The following TBC1D5 variants were observed in gnomAD, a reference collection of about 807,000 sequenced individuals.
TBC1D5 encodes TBC1 domain family, member 5.
A neutral mutation model predicts 100.3 loss-of-function variants in TBC1D5; 75 were observed. That is an observed-to-expected ratio of 0.75 (90% CI 0.62 to 0.91). The LOEUF (loss-of-function observed/expected upper bound fraction) is 0.91, where lower values mean the gene tolerates loss of function less well. Ranked by LOEUF, TBC1D5 falls within the 40% of genes least tolerant of loss-of-function variation. The pLI is 0.00. For missense variants in TBC1D5, 910 were observed against 942.4 expected (o/e 0.97, Z 0.45); for synonymous variants, 323 against 325.6 (o/e 0.99, Z 0.09).
intron 2 of TBC1D5, among the ~76,000 whole-genome samples, chr3:17,587,005 C>A (rs2096737118): frequency 6.6e-6 from 1 of 151,632 alleles, no homozygotes; most frequent in Admixed American, 6.6e-5. Flanking sequence ...GAAAAAAATT[C>A]CATTGAAAAT....
At chr3:17,491,650 T>C (rs2095641469) in intron 3 of TBC1D5, among the ~76,000 whole-genome samples, 2 of 152,190 alleles carry the variant, frequency 1.3e-5, no homozygotes. Flanking sequence ...ATCCCGGGGA[T>C]GAGGTCGACT....
chr3:17,178,665 T>C (rs2068090315), intron 19 of TBC1D5, among the ~76,000 whole-genome samples: 1 of 152,162 alleles, frequency 6.6e-6, no homozygotes, highest in Non-Finnish European at 1.5e-5. Flanking sequence ...TTATTTTATT[T>C]TTTTAGAGAT....
At chr3:17,362,457 CA>C (rs2091807355) in intron 13 of TBC1D5, among the ~76,000 whole-genome samples, 1 of 150,982 alleles carries the variant, frequency 6.6e-6, no homozygotes, top group Non-Finnish European at 1.5e-5. Context: ...TCAAAAAGGG[CA>C]AAAGATGTAA....
At chr3:17,706,268 A>G (rs2074150959) in intron 1 of TBC1D5, 2 of 1,547,492 alleles carry the variant, frequency 1.3e-6, no homozygotes, top group South Asian at 1.2e-5. Context: ...TCACATACTC[A>G]GCTCTAAAGA....
intron 8 of TBC1D5, among the ~76,000 whole-genome samples, chr3:17,390,221 C>T (rs145473566): frequency 6.6e-6 from 1 of 152,024 alleles, no homozygotes; most frequent in East Asian, 1.9e-4. Context: ...CAACTAAACA[C>T]CAACTTTGGA....
intron 2 of TBC1D5, among the ~76,000 whole-genome samples, chr3:17,514,010 A>G (rs2095949031): frequency 6.6e-6 from 1 of 152,200 alleles, no homozygotes; most frequent in Non-Finnish European, 1.5e-5. Flanking sequence ...AGTCTTAATT[A>G]CAAGGGCAGA....
At chr3:17,705,354 C>T (rs766610670) in intron 1 of TBC1D5, among the ~76,000 whole-genome samples, 4,987 of 121,714 alleles carry the variant, frequency 0.041, 1,087 homozygotes, top group Non-Finnish European at 0.06. Context: ...CTGACCCCCC[C>T]CCACCTCCCT....
At chr3:17,401,417 A>G (rs1287887812) in intron 8 of TBC1D5, among the ~76,000 whole-genome samples, 1 of 151,492 alleles carries the variant, frequency 6.6e-6, no homozygotes, top group Non-Finnish European at 1.5e-5. Context: ...ATCTGTGTAT[A>G]TATCTTGCAT....
chr3:17,522,975 T>C (rs964080884), intron 2 of TBC1D5, among the ~76,000 whole-genome samples: 1 of 152,232 alleles, frequency 6.6e-6, no homozygotes, highest in African/African-American at 2.4e-5. Flanking sequence ...TTCAATTATA[T>C]TTATTGAACA....
At chr3:17,175,500 G>A (rs1055161057) in intron 19 of TBC1D5, among the ~76,000 whole-genome samples, 1 of 152,148 alleles carries the variant, frequency 6.6e-6, no homozygotes, top group Non-Finnish European at 1.5e-5. Context: ...AACCAAAAAA[G>A]GAGACTTTAC....
intron 4 of TBC1D5, among the ~76,000 whole-genome samples, chr3:17,425,037 T>C (rs2094304649): frequency 6.6e-6 from 1 of 152,188 alleles, no homozygotes; most frequent in African/African-American, 2.4e-5. Flanking sequence ...AGACAAAACA[T>C]TTATTTTCTT....
chr3:17,444,113 T>C (rs1347754258), intron 3 of TBC1D5, among the ~76,000 whole-genome samples: 1 of 152,142 alleles, frequency 6.6e-6, no homozygotes, highest in African/African-American at 2.4e-5. Context: ...TAAAAACTAA[T>C]TTAACCCACT....
intron 1 of TBC1D5, among the ~76,000 whole-genome samples, chr3:17,676,010 T>C (rs1180130724): frequency 6.6e-6 from 1 of 152,122 alleles, no homozygotes; most frequent in African/African-American, 2.4e-5. Flanking sequence ...CCTAATTAAA[T>C]GCATCAAGAA....
At chr3:17,522,522 T>C (rs540738718) in intron 2 of TBC1D5, among the ~76,000 whole-genome samples, 4 of 152,206 alleles carry the variant, frequency 2.6e-5, no homozygotes, top group African/African-American at 9.6e-5. Flanking sequence ...CTATGGTGAT[T>C]GTCAAAGAAT....
intron 13 of TBC1D5, among the ~76,000 whole-genome samples, chr3:17,348,618 A>G (rs980765811): frequency 1.3e-5 from 2 of 152,058 alleles, no homozygotes; most frequent in African/African-American, 4.8e-5. Context: ...TTTAGACTCA[A>G]TTTCATTCAT....
At chr3:17,706,330 T>C in intron 1 of TBC1D5, 1 of 1,364,038 alleles carries the variant, frequency 7.3e-7, no homozygotes, top group Non-Finnish European at 9.9e-7. Context: ...TGTATACCTT[T>C]GTGAAAGAGC....
chr3:17,530,056 G>A (rs555588394), intron 2 of TBC1D5, among the ~76,000 whole-genome samples: 12 of 151,802 alleles, frequency 7.9e-5, no homozygotes, highest in African/African-American at 1.9e-4. Context: ...CCAGTCTGGC[G>A]AACATAGTGA....
intron 13 of TBC1D5, among the ~76,000 whole-genome samples, chr3:17,324,182 A>C (rs2085785245): frequency 6.6e-6 from 1 of 152,238 alleles, no homozygotes; most frequent in South Asian, 2.1e-4. Context: ...AAAATGGATA[A>C]CAGGCCTAAG....
At chr3:17,191,983 A>G (rs2069971581) in intron 18 of TBC1D5, among the ~76,000 whole-genome samples, 1 of 152,118 alleles carries the variant, frequency 6.6e-6, no homozygotes, top group African/African-American at 2.4e-5. Context: ...TCACATACTA[A>G]TTGGGAAAAC....
Sources: gnomAD v4.1 joint callset for allele counts (sites outside exome capture counted in the v4.1 genomes callset) on GRCh38, gnomAD v4.1.1 for gene constraint, MANE v1.5 for transcripts, NCBI Gene and HGNC (gene_info 2026-07-23, HGNC 2026-07-21) for gene names.